SLC47A1: variants seen among roughly 807,000 people sequenced by gnomAD.
SLC47A1 encodes the protein solute carrier family 47 member 1.
A neutral mutation model predicts 65.8 loss-of-function variants in SLC47A1; 58 were observed. The observed-to-expected ratio is 0.88, with a 90% confidence interval of 0.71 to 1.10. SLC47A1 has a LOEUF of 1.10. Ranked by LOEUF, SLC47A1 falls within the 50% of genes least tolerant of loss-of-function variation. The pLI, the probability that SLC47A1 is intolerant of heterozygous loss-of-function variation, is 0.00. For missense variants in SLC47A1, 706 were observed against 719.2 expected (o/e 0.98, Z 0.21); for synonymous variants, 285 against 295.0 (o/e 0.97, Z 0.35).
intron 6 of SLC47A1, among the ~76,000 whole-genome samples, chr17:19,553,698 C>T (rs961604215): frequency 5.9e-5 from 9 of 152,070 alleles, no homozygotes; most frequent in African/African-American, 2.4e-5. Flanking sequence ...CGTGCCACCA[C>T]GCCCAGCTAG....
intron 10 of SLC47A1, 27 bp from the exon 11 acceptor site, chr17:19,560,161 T>C (rs759467587): frequency 2.6e-5 from 40 of 1,530,888 alleles, no homozygotes; most frequent in Middle Eastern, 2.3e-4. Flanking sequence ...TTCTCACTCA[T>C]TGTTGCAGGT....
At chr17:19,555,930 C>T (rs776929831) in intron 9 of SLC47A1, 21 bp downstream of exon 9, 19 of 1,613,792 alleles carry the variant, frequency 1.2e-5, no homozygotes, top group African/African-American at 2.7e-5. Context: ...GGATGGATGA[C>T]GGGGACTGGT....
At chr17:19,545,679 G>A (rs1047323144) in intron 2 of SLC47A1, among the ~76,000 whole-genome samples, 2 of 151,638 alleles carry the variant, frequency 1.3e-5, no homozygotes, top group Non-Finnish European at 1.5e-5. Flanking sequence ...TTGTAGGGAC[G>A]AGTTTTCATC....
chr17:19,547,621 T>A (rs1916324355), intron 3 of SLC47A1, among the ~76,000 whole-genome samples: 1 of 151,574 alleles, frequency 6.6e-6, no homozygotes, highest in South Asian at 2.1e-4. Flanking sequence ...AATGTTCCCC[T>A]GGTGATGCTA....
intron 12 of SLC47A1, among the ~76,000 whole-genome samples, chr17:19,563,849 C>G (rs1044970726): frequency 6.6e-6 from 1 of 151,794 alleles, no homozygotes; most frequent in Non-Finnish European, 1.5e-5. Flanking sequence ...ATTAGCCGGG[C>G]GTGGTGGCAC....
At chr17:19,557,147 T>G (rs1367895610) in intron 10 of SLC47A1, 1 of 152,458 alleles carries the variant, frequency 6.6e-6, no homozygotes, top group Non-Finnish European at 1.5e-5. Context: ...CCAGCAGATA[T>G]GCTTGGCATT....
At chr17:19,565,400 G>A (rs2084347689) in intron 12 of SLC47A1, among the ~76,000 whole-genome samples, 2 of 152,068 alleles carry the variant, frequency 1.3e-5, no homozygotes, top group South Asian at 4.2e-4. Context: ...CGGGATGATA[G>A]GTGCGTGCCA....
chr17:19,571,354 C>A, intron 14 of SLC47A1, 124 bp from the exon 15 acceptor site: 1 of 767,378 alleles, frequency 1.3e-6, no homozygotes, highest in South Asian at 1.9e-5. Context: ...CCGCTGTGGG[C>A]TCCACCTCAG....
At position 19,546,449 on chromosome 17, in the gene SLC47A1, T is replaced by C; in HGVS notation, c.252T>C (p.Thr84=). ...TTTATTTGCAGGTTATCAATGTCACTGGTGTCTCAGTGGGATTCGGCTTAT... is the reference window on the plus strand; with the variant it reads ...TTTATTTGCAGGTTATCAATGTCACCGGTGTCTCAGTGGGATTCGGCTTAT... ...VTLAIAVINV[T]GVSVGFGLSS... is the part of the protein sequence containing the mutation. The change falls in exon 3 of 17, where the codon ACT becomes ACC. Residue 84 remains threonine (T), a synonymous_variant. Transcript: ENST00000270570. 1.2e-6 allele frequency: 2 copies of C among 1,613,956 alleles called. No homozygotes were observed. Among genetic ancestry groups the C allele is most frequent in the South Asian group, 2.2e-5 (2 of 91,002 alleles).
intron 14 of SLC47A1, among the ~76,000 whole-genome samples, chr17:19,568,517 CTATAT>C (rs899990344): frequency 3.3e-5 from 5 of 151,246 alleles, no homozygotes; most frequent in South Asian, 4.1e-4. Flanking sequence ...TTTAAATTCT[CTATAT>C]TATATCTTTT....
In SLC47A1 at chr17:19,567,189, G is replaced by C; in HGVS notation, c.1270G>C (p.Gly424Arg). The C allele has an allele frequency of 1.2e-6, 2 of 1,614,168 alleles. No homozygotes were observed. The highest frequency in any genetic ancestry group is 8.5e-7 in the Non-Finnish European group (1 of 1,180,026). The change falls in exon 14 of 17, where the codon GGG (glycine) becomes CGG (arginine). Residue 424 changes from glycine to arginine, a missense_variant. Coordinates refer to ENST00000270570, the MANE Select transcript of SLC47A1 (RefSeq NM_018242.3). ...GTACTATGTGGTTGGCCTCCCCATC[G>C]GGATCGCGCTGATGTTTGCAACCAC... ...IGYYVVGLPIGIALMFATTLG... is the reference protein window; with the variant it reads ...IGYYVVGLPIRIALMFATTLG...
Position 19,572,778 on chromosome 17 carries a change from A to C in SLC47A1, c.1405-2A>C. The stretch of plus-strand genomic sequence containing the variant: ...CCTGATGGACTGAGTTTCATTTTCC[A>C]GGCTCAGGTACACGCCAATTTGAAA... On this transcript the variant is annotated splice_acceptor_variant, in intron 15 of 16. Transcript: ENST00000270570. LOFTEE classifies it high-confidence loss of function. The C allele has an allele frequency of 6.2e-7, 1 of 1,614,028 alleles. No homozygotes were observed. The highest frequency in any genetic ancestry group is 1.7e-4 in the Middle Eastern group (1 of 6,056).
intron 5 of SLC47A1, among the ~76,000 whole-genome samples, chr17:19,550,186 G>A (rs541005571): frequency 2.0e-5 from 3 of 152,154 alleles, no homozygotes; most frequent in African/African-American, 4.8e-5. Flanking sequence ...CAGTGGGATC[G>A]TCATAGCTCA....
At chr17:19,561,957 G>A (rs964226331) in intron 12 of SLC47A1, among the ~76,000 whole-genome samples, 9 of 152,220 alleles carry the variant, frequency 5.9e-5, no homozygotes, top group Non-Finnish European at 4.4e-5. Flanking sequence ...CCAGTGAGCT[G>A]TCTCAAAAGT....
At chr17:19,576,312 C>T (rs1239492119) in intron 16 of SLC47A1, among the ~76,000 whole-genome samples, 1 of 145,538 alleles carries the variant, frequency 6.9e-6, no homozygotes, top group African/African-American at 2.5e-5. Context: ...TCACATCTTT[C>T]TCCCATTCTG....
chr17:19,540,467 C>A (rs972570577), intron 1 of SLC47A1, among the ~76,000 whole-genome samples: 1 of 152,142 alleles, frequency 6.6e-6, no homozygotes, highest in Non-Finnish European at 1.5e-5. Flanking sequence ...GACCCTGTGG[C>A]CTTTAAAGAT....
At chr17:19,536,693 A>G (rs1915996415) in intron 1 of SLC47A1, among the ~76,000 whole-genome samples, 1 of 152,154 alleles carries the variant, frequency 6.6e-6, no homozygotes, top group Non-Finnish European at 1.5e-5. Context: ...TCTGTTTACT[A>G]AAGGGCATGG....
Position 19,577,280 on chromosome 17 carries a change from G to GAA in SLC47A1, c.1487-38_1487-37dup, listed in dbSNP as rs35672252. ...TTTATACATAGCCCTTTATAAAAAT[G>GAA]AAAAAAAAAATCCCTTTTAAGCTGC... On this transcript the variant is annotated intron_variant, in intron 16 of 16. Coordinates refer to ENST00000270570, the MANE Select transcript of SLC47A1 (RefSeq NM_018242.3). 473 of 1,538,292 alleles carry GAA rather than the reference G, an allele frequency of 3.1e-4. 1 individual carries two copies. The East Asian group carries it at 4.4e-3, about 14-fold the overall frequency.
intron 1 of SLC47A1, among the ~76,000 whole-genome samples, chr17:19,540,876 A>ACACACC (rs774836898): frequency 6.7e-6 from 1 of 149,758 alleles, no homozygotes; most frequent in African/African-American, 2.5e-5. Context: ...ACACACACAC[A>ACACACC]CCCCTAGGGT....
Sources: gnomAD v4.1 joint callset for allele counts (sites outside exome capture counted in the v4.1 genomes callset) on GRCh38, gnomAD v4.1.1 for gene constraint, MANE v1.5 for transcripts, NCBI Gene and HGNC (gene_info 2026-07-23, HGNC 2026-07-21) for gene names.